PSMA8: variants seen among roughly 807,000 people sequenced by gnomAD.
PSMA8 encodes proteasome 20S subunit alpha 8.
In PSMA8, 18 loss-of-function variants were observed where a neutral mutation model predicts 32.4. The observed-to-expected ratio is 0.56, with a 90% confidence interval of 0.38 to 0.82. PSMA8 has a LOEUF of 0.82. PSMA8 is among the 40% of genes least tolerant of loss of function. PSMA8 has a pLI of 0.00. For missense variants in PSMA8, 298 were observed against 300.7 expected (o/e 0.99, Z 0.07); for synonymous variants, 104 against 98.1 (o/e 1.06, Z -0.36).
intron 1 of PSMA8, among the ~76,000 whole-genome samples, chr18:26,134,303 A>G (rs915558122): frequency 6.6e-6 from 1 of 151,478 alleles, no homozygotes; most frequent in Non-Finnish European, 1.5e-5. Flanking sequence ...CCTCTGTTTC[A>G]TGGTAGCTAC....
chr18:26,165,619 G>C (rs2055172700), intron 4 of PSMA8, among the ~76,000 whole-genome samples: 1 of 151,892 alleles, frequency 6.6e-6, no homozygotes. Context: ...TTCAACAACA[G>C]TATTAAGCTC....
At chr18:26,145,814 A>G (rs1202993154) in intron 2 of PSMA8, among the ~76,000 whole-genome samples, 1 of 152,194 alleles carries the variant, frequency 6.6e-6, no homozygotes, top group Non-Finnish European at 1.5e-5. Flanking sequence ...TAATGCCTCT[A>G]TGAATATTTG....
intron 1 of PSMA8, among the ~76,000 whole-genome samples, chr18:26,138,698 T>G (rs2054931606): frequency 1.3e-5 from 2 of 152,216 alleles, no homozygotes; most frequent in South Asian, 4.1e-4. Context: ...CAGTTAGTAT[T>G]CTGTGGAAAT....
intron 4 of PSMA8, among the ~76,000 whole-genome samples, chr18:26,163,987 G>C (rs1214192117): frequency 6.6e-6 from 1 of 152,162 alleles, no homozygotes; most frequent in Non-Finnish European, 1.5e-5. Context: ...CAAGTGTTCT[G>C]GATCCCAAGT....
chr18:26,181,752 T>C (rs935615527), intron 6 of PSMA8, among the ~76,000 whole-genome samples: 10 of 151,936 alleles, frequency 6.6e-5, no homozygotes, highest in African/African-American at 2.4e-4. Flanking sequence ...TGGCAAAACC[T>C]GTCTCTACTA....
intron 2 of PSMA8, 94 bp from the exon 3 acceptor site, chr18:26,151,762 AAG>A (rs1311967202): frequency 8.5e-7 from 1 of 1,173,496 alleles, no homozygotes; most frequent in African/African-American, 1.5e-5. Flanking sequence ...AAGGATAAGA[AAG>A]ATTTCATTGT....
At chr18:26,147,481 A>G (rs1239851475) in intron 2 of PSMA8, among the ~76,000 whole-genome samples, 1 of 152,186 alleles carries the variant, frequency 6.6e-6, no homozygotes, top group Admixed American at 6.5e-5. Context: ...ATTTATAGCC[A>G]TAAACATTTA....
At chr18:26,167,576 A>G (rs918345631) in intron 4 of PSMA8, among the ~76,000 whole-genome samples, 4 of 152,338 alleles carry the variant, frequency 2.6e-5, no homozygotes, top group Non-Finnish European at 5.9e-5. Context: ...AAGTTAAATG[A>G]GGTCGTAAGG....
At chr18:26,143,345 G>A (rs188995900) in intron 1 of PSMA8, among the ~76,000 whole-genome samples, 199 of 152,242 alleles carry the variant, frequency 1.3e-3, no homozygotes, top group South Asian at 4.4e-3. Flanking sequence ...GTGTGTATGA[G>A]CAAAGCCTAT....
At chr18:26,166,517 T>G (rs2055181299) in intron 4 of PSMA8, among the ~76,000 whole-genome samples, 1 of 152,212 alleles carries the variant, frequency 6.6e-6, no homozygotes, top group African/African-American at 2.4e-5. Flanking sequence ...ATTGTTAGTT[T>G]TATTAAATCT....
rs184299888 is a variant in PSMA8, at chr18:26,189,272, A to T, written c.661-3047A>T. Among the ~76,000 whole-genome samples the T allele has an allele frequency of 6.6e-5, 10 of 152,350 alleles. No individual in the cohort carries two copies. The East Asian group carries it at 1.5e-3, about 23-fold the overall frequency. The stretch of plus-strand genomic sequence containing the variant: ...GTGCTTGGGCTGAGCTCTTGCTTGT[A>T]ATCCCAGCACTTTGGGAGGCCAAGG... On this transcript the variant is annotated intron_variant, in intron 6 of 6. Transcript: ENST00000415576.
At chr18:26,188,878 A>T (rs1030939749) in intron 6 of PSMA8, among the ~76,000 whole-genome samples, 3 of 152,228 alleles carry the variant, frequency 2.0e-5, no homozygotes, top group African/African-American at 4.8e-5. Flanking sequence ...ACCTCAATCT[A>T]TAAAACTACT....
intron 6 of PSMA8, among the ~76,000 whole-genome samples, chr18:26,183,892 C>A (rs1023186088): frequency 6.6e-6 from 1 of 150,728 alleles, no homozygotes; most frequent in Non-Finnish European, 1.5e-5. Flanking sequence ...ACAGCCACTT[C>A]AACCTTCAGC....
At position 26,178,906 on chromosome 18, in the gene PSMA8, G is replaced by A. The variant is rs747910977; in HGVS notation, c.554G>A (p.Ser185Asn). 22 of 1,613,704 alleles carry A rather than the reference G, an allele frequency of 1.4e-5. No homozygotes were observed. In the South Asian group the frequency reaches 2.4e-4, roughly 18 times the overall value. ...EKNYTEDAIA[S>N]DSEAIKLAIK... ...AATTACACAGAAGATGCCATAGCAAGTGACAGTGAAGCTATCAAGTTAGCA... is the reference window on the plus strand; with the variant it reads ...AATTACACAGAAGATGCCATAGCAAATGACAGTGAAGCTATCAAGTTAGCA... Residue 185 changes from serine to asparagine, a missense_variant, in exon 5 of 7, where the codon AGT becomes AAT. By Grantham distance (46) the Ser-to-Asn change is conservative (BLOSUM62 1). Transcript: ENST00000415576.
chr18:26,158,997 C>T (rs887146697), intron 4 of PSMA8, among the ~76,000 whole-genome samples: 4 of 152,106 alleles, frequency 2.6e-5, no homozygotes, highest in South Asian at 2.1e-4. Context: ...AACAATGCCC[C>T]CCTGCCCCCC....
intron 3 of PSMA8, among the ~76,000 whole-genome samples, chr18:26,154,699 C>T (rs2055073263): frequency 6.6e-6 from 1 of 152,178 alleles, no homozygotes; most frequent in Non-Finnish European, 1.5e-5. Context: ...TCACTGCAAC[C>T]TCCAACTCCC....
intron 4 of PSMA8, among the ~76,000 whole-genome samples, chr18:26,175,517 C>A (rs2055257068): frequency 6.6e-6 from 1 of 152,096 alleles, no homozygotes; most frequent in Non-Finnish European, 1.5e-5. Context: ...TAGGCTGGCC[C>A]TGGAAGAGCA....
chr18:26,154,503 C>T (rs77559378), intron 3 of PSMA8, among the ~76,000 whole-genome samples: 2,815 of 152,072 alleles, frequency 0.019, 90 homozygotes, highest in African/African-American at 0.064. Context: ...AGTGTATTTA[C>T]GGAAACATAG....
intron 4 of PSMA8, among the ~76,000 whole-genome samples, chr18:26,161,011 C>T (rs559101971): frequency 6.6e-6 from 1 of 152,288 alleles, no homozygotes; most frequent in African/African-American, 2.4e-5. Flanking sequence ...ATAATGGTAA[C>T]TTTATTCCCA....
Sources: allele counts gnomAD v4.1 joint callset (sites outside exome capture counted in the v4.1 genomes callset), GRCh38; gene constraint gnomAD v4.1.1; transcripts MANE v1.5; gene names NCBI Gene and HGNC (gene_info 2026-07-23, HGNC 2026-07-21).